MTAP: variants seen among roughly 807,000 people sequenced by gnomAD.
MTAP encodes the protein S-methyl-5'-thioadenosine phosphorylase.
MTAP carries 33 observed loss-of-function variants against 33.6 expected under a neutral mutation model. The observed-to-expected ratio is 0.98, with a 90% confidence interval of 0.74 to 1.31. The LOEUF is 1.31. MTAP is among the 40% of genes most tolerant of loss of function. The pLI, the probability that MTAP is intolerant of heterozygous loss-of-function variation, is 0.00. For missense variants in MTAP, 367 were observed against 360.0 expected, an observed-to-expected ratio of 1.02 and a Z score of -0.16; for synonymous variants, 148 against 125.7, an observed-to-expected ratio of 1.18 and a Z score of -1.19.
chr9:21,854,902 C>T (rs756982139), intron 6 of MTAP, 32 bp downstream of exon 6: 8 of 1,610,216 alleles, frequency 5.0e-6, no homozygotes, highest in Non-Finnish European at 6.8e-6. Context: ...GCACATATAG[C>T]ATGGGTTTCT....
At chr9:21,937,473 C>T (rs560875027) in exon 8 of MTAP, 16 of 152,206 alleles carry the variant, frequency 1.1e-4, no homozygotes, top group Non-Finnish European at 2.1e-4. Flanking sequence ...ATTTTCCTTT[C>T]CCTTGTAACT....
At chr9:21,901,679 G>A (rs1410576666) in intron 1 of MTAP, among the ~76,000 whole-genome samples, 1 of 152,110 alleles carries the variant, frequency 6.6e-6, no homozygotes, top group Non-Finnish European at 1.5e-5. Context: ...AGCTATAAGG[G>A]CAAAGGAAAA....
chr9:21,816,853 C>G, intron 3 of MTAP, 81 bp downstream of exon 3: 2 of 1,158,668 alleles, frequency 1.7e-6, no homozygotes, highest in Non-Finnish European at 2.5e-6. Context: ...AGTAAAGATA[C>G]AGGTCTGAGC....
At chr9:21,897,177 G>A (rs192024915) in intron 1 of MTAP, among the ~76,000 whole-genome samples, 6 of 152,168 alleles carry the variant, frequency 3.9e-5, no homozygotes, top group South Asian at 4.2e-4. Context: ...ACAAAATTCA[G>A]CAGCCCTTCA....
intron 1 of MTAP, among the ~76,000 whole-genome samples, chr9:21,899,116 A>T (rs1818345657): frequency 6.6e-6 from 1 of 151,774 alleles, no homozygotes; most frequent in Non-Finnish European, 1.5e-5. Context: ...CATCATTCTC[A>T]GCAAACTATC....
rs188271381 is a variant in MTAP at position 21,875,471 on chromosome 9, C to T, written c.147+20601C>T. Among the ~76,000 whole-genome samples the T allele has an allele frequency of 3.9e-5, 6 of 151,948 alleles. No homozygotes were observed. In the East Asian group the frequency reaches 1.2e-3, roughly 29 times the overall value. On this transcript the variant is annotated intron_variant, in intron 1 of 1. Coordinates refer to the MTAP transcript ENST00000577563. ...GTTTCTTCTAAATTTGTTTAAGTTC[C>T]TTGTAGATTCTGGATATTAGCCCTT...
chr9:21,873,487 G>A (rs1182640798), intron 1 of MTAP, among the ~76,000 whole-genome samples: 3 of 152,150 alleles, frequency 2.0e-5, no homozygotes, highest in South Asian at 2.1e-4. Flanking sequence ...AATAAGGCCC[G>A]AGGGAGCTCT....
chr9:21,938,382 T>A (rs1419202227), downstream of MTAP, among the ~76,000 whole-genome samples: 1 of 150,504 alleles, frequency 6.6e-6, no homozygotes, highest in Non-Finnish European at 1.5e-5. Flanking sequence ...CAGGCTGCAG[T>A]GAGCCATGAT....
chr9:21,828,219 T>G (rs538494835), intron 4 of MTAP, among the ~76,000 whole-genome samples: 81 of 152,346 alleles, frequency 5.3e-4, no homozygotes, highest in African/African-American at 1.9e-3. Flanking sequence ...TCTTAATGTT[T>G]CCTTGGAAGT....
intron 1 of MTAP, among the ~76,000 whole-genome samples, chr9:21,877,004 T>A (rs571422164): frequency 4.6e-5 from 7 of 152,328 alleles, no homozygotes; most frequent in Admixed American, 4.6e-4. Flanking sequence ...TGGAATACTT[T>A]TCCATTTGTT....
intron 3 of MTAP, 28 bp from the exon 4 acceptor site, chr9:21,818,007 G>C: frequency 6.3e-7 from 1 of 1,596,384 alleles, no homozygotes; most frequent in Middle Eastern, 1.7e-4. Context: ...CTCATCACGG[G>C]TTAACAATTT....
chr9:21,887,035 G>A (rs1167397679), intron 1 of MTAP, among the ~76,000 whole-genome samples: 7 of 152,102 alleles, frequency 4.6e-5, no homozygotes, highest in Admixed American at 6.5e-5. Flanking sequence ...TGGCAGTATG[G>A]TCATTTTCAC....
At chr9:21,923,883 G>A (rs1818826550) in intron 1 of MTAP, among the ~76,000 whole-genome samples, 1 of 152,154 alleles carries the variant, frequency 6.6e-6, no homozygotes, top group Non-Finnish European at 1.5e-5. Context: ...TGGAGATAAG[G>A]ATATAGGCCA....
At chr9:21,857,738 A>G (rs950949123) in intron 6 of MTAP, among the ~76,000 whole-genome samples, 1 of 152,220 alleles carries the variant, frequency 6.6e-6, no homozygotes, top group Non-Finnish European at 1.5e-5. Context: ...ACATGAGCAC[A>G]TTATCATTTT....
intron 4 of MTAP, 106 bp downstream of exon 4, chr9:21,818,308 A>G: frequency 4.9e-6 from 2 of 406,260 alleles, no homozygotes; most frequent in Non-Finnish European, 8.5e-6. Context: ...AGTGCCACAG[A>G]CTCGCTTGCT....
intron 1 of MTAP, among the ~76,000 whole-genome samples, chr9:21,916,643 GA>G (rs960057064): frequency 6.0e-5 from 9 of 149,126 alleles, no homozygotes; most frequent in African/African-American, 1.2e-4. Context: ...ACAAACACAG[GA>G]AAAAAAAAAT....
At chr9:21,889,268 T>G (rs1818161748) in intron 1 of MTAP, among the ~76,000 whole-genome samples, 1 of 152,136 alleles carries the variant, frequency 6.6e-6, no homozygotes, top group South Asian at 2.1e-4. Flanking sequence ...TTGAGCCTAT[T>G]GTTGAATTGT....
chr9:21,848,281 G>C (rs1436486994), intron 5 of MTAP, among the ~76,000 whole-genome samples: 1 of 152,190 alleles, frequency 6.6e-6, no homozygotes, highest in East Asian at 1.9e-4. Context: ...TGTGACCCAT[G>C]AGGTGGTGTG....
chr9:21,840,853 T>A (rs771238567), intron 5 of MTAP, among the ~76,000 whole-genome samples: 1 of 152,140 alleles, frequency 6.6e-6, no homozygotes. Context: ...CCAAAGGCCA[T>A]GCTTGCTTTC....
Sources: allele counts gnomAD v4.1 joint callset (sites outside exome capture counted in the v4.1 genomes callset), GRCh38; gene constraint gnomAD v4.1.1; transcripts MANE v1.5; gene names NCBI Gene and HGNC (gene_info 2026-07-23, HGNC 2026-07-21).